Variants in ASAP1 observed in about 807,000 individuals in gnomAD.
The protein encoded by ASAP1 is ArfGAP with SH3 domain, ankyrin repeat and PH domain 1, also known as arf-GAP with SH3 domain, ANK repeat and PH domain-containing protein 1.
In ASAP1, 43 loss-of-function variants were observed where a neutral mutation model predicts 145.2. The ratio of observed to expected loss-of-function variants is 0.30; its 90% CI spans 0.23 to 0.38. The LOEUF (loss-of-function observed/expected upper bound fraction) is 0.38. Ranked by LOEUF, ASAP1 falls within the 10% of genes least tolerant of loss-of-function variation. The probability of loss-of-function intolerance (pLI) is 1.00; values close to 1 mark genes in which losing one functional copy is unlikely to be tolerated. For synonymous variants in ASAP1, 546 were observed against 515.5 expected, an observed-to-expected ratio of 1.06 and a Z score of -0.80; for missense variants, 1,018 against 1,355.3, an observed-to-expected ratio of 0.75 and a Z score of 3.91.
At chr8:130,383,133 CCTGGAAATGACATCTTACCTTCAAT>C (rs1053432557) in intron 2 of ASAP1, among the ~76,000 whole-genome samples, 2 of 152,138 alleles carry the variant, frequency 1.3e-5, no homozygotes, top group African/African-American at 4.8e-5. Context: ...CGATCTTCTG[CCTGGAAATGACATCTTACCTTCAAT>C]CTGGTCCCCA....
intron 3 of ASAP1, among the ~76,000 whole-genome samples, chr8:130,337,498 C>T (rs891962365): frequency 6.6e-6 from 1 of 152,160 alleles, no homozygotes; most frequent in Non-Finnish European, 1.5e-5. Flanking sequence ...ATTAAGCATG[C>T]TAGTCCTCTC....
At chr8:130,235,517 A>T (rs993783182) in intron 4 of ASAP1, among the ~76,000 whole-genome samples, 1 of 152,134 alleles carries the variant, frequency 6.6e-6, no homozygotes, top group African/African-American at 2.4e-5. Context: ...ATAAGGGCCT[A>T]CCACAGTGTG....
intron 24 of ASAP1, among the ~76,000 whole-genome samples, chr8:130,093,036 G>T (rs986540962): frequency 3.3e-5 from 5 of 151,538 alleles, no homozygotes; most frequent in African/African-American, 9.7e-5. Flanking sequence ...AAAACCCTTT[G>T]CTCTAGAAAC....
chr8:130,153,359 G>GTGTA (rs1565024778), intron 12 of ASAP1, among the ~76,000 whole-genome samples: 3 of 28,938 alleles, frequency 1.0e-4, no homozygotes, highest in East Asian at 2.0e-3. Context: ...ATATATATAT[G>GTGTA]TATATATATA....
intron 3 of ASAP1, among the ~76,000 whole-genome samples, chr8:130,258,370 T>C (rs937032089): frequency 1.2e-4 from 18 of 152,222 alleles, no homozygotes; most frequent in Non-Finnish European, 1.8e-4. Context: ...ACCCTTGCCT[T>C]CTTTTGAAGA....
chr8:130,124,817 TG>T (rs2097572397), intron 17 of ASAP1, among the ~76,000 whole-genome samples: 1 of 152,230 alleles, frequency 6.6e-6, no homozygotes, highest in Non-Finnish European at 1.5e-5. Context: ...GTTGTCAAAC[TG>T]GGTTTCATTA....
chr8:130,416,326 G>A (rs1384740337), intron 1 of ASAP1, among the ~76,000 whole-genome samples: 2 of 152,146 alleles, frequency 1.3e-5, no homozygotes, highest in East Asian at 3.8e-4. Flanking sequence ...AAAACTTCAG[G>A]GAAACAAGAC....
At chr8:130,396,874 G>A (rs1828554596) in intron 2 of ASAP1, among the ~76,000 whole-genome samples, 1 of 152,100 alleles carries the variant, frequency 6.6e-6, no homozygotes, top group Admixed American at 6.5e-5. Context: ...GGTTGAGGAG[G>A]GTCTAAAGTT....
chr8:130,317,417 T>C lies in ASAP1; in HGVS notation c.186+40600A>G, dbSNP rs533390477. 2.6e-5 allele frequency among the ~76,000 whole-genome samples: 4 copies of C among 152,316 alleles called. No individual in the cohort carries two copies. In the South Asian group the frequency reaches 8.3e-4, roughly 32 times the overall value. ...CCACCATCAGGGTTTGTTGAAACTG[T>C]AGGAACAGGGTCTACGACTCACTTA... On this transcript the variant is annotated intron_variant, in intron 3 of 29. Transcript: ENST00000518721.
chr8:130,159,865 C>A lies in ASAP1; in HGVS notation c.1009G>T (p.Gly337Trp). 6.2e-7 allele frequency: 1 copy of A among 1,612,190 alleles called. No individual in the cohort carries two copies. Among genetic ancestry groups the A allele is most frequent in the Non-Finnish European group, 8.5e-7 (1 of 1,178,278 alleles). The change falls in exon 12 of 30, where the codon GGG (glycine) becomes TGG (tryptophan). Residue 337 changes from glycine to tryptophan, a missense_variant and splice_region_variant. By Grantham distance (184) the Gly-to-Trp change is radical (BLOSUM62 -2). Around this residue, in one of 9 missense-constraint regions of ASAP1, gnomAD observed 27 missense variants for 88.2 expected, o/e 0.31. Transcript: ENST00000518721. ...ACACTGGGCTGGGCTCATACATACC[C>A]GTCACTTTTCTTTAGCAGGTACCCC... Reference protein sequence around the residue: ...KKGYLLKKSDGIRKVWQRRKC... With the variant: ...KKGYLLKKSDWIRKVWQRRKC...
At chr8:130,336,297 T>C (rs1245122562) in intron 3 of ASAP1, among the ~76,000 whole-genome samples, 1 of 152,200 alleles carries the variant, frequency 6.6e-6, no homozygotes, top group East Asian at 1.9e-4. Flanking sequence ...AGGTTATATA[T>C]ACATCAATCA....
At chr8:130,068,837 A>G (rs1456011303) in intron 27 of ASAP1, among the ~76,000 whole-genome samples, 1 of 152,178 alleles carries the variant, frequency 6.6e-6, no homozygotes, top group East Asian at 1.9e-4. Flanking sequence ...CACACGCTGA[A>G]CATGCCTGTT....
chr8:130,102,867 T>C (rs193007160), intron 24 of ASAP1, among the ~76,000 whole-genome samples: 180 of 152,284 alleles, frequency 1.2e-3, no homozygotes, highest in African/African-American at 4.1e-3. Context: ...TTATTTATAT[T>C]TTTTGTAGAG....
intron 3 of ASAP1, among the ~76,000 whole-genome samples, chr8:130,246,667 A>G (rs1818874370): frequency 6.6e-6 from 1 of 152,182 alleles, no homozygotes; most frequent in Non-Finnish European, 1.5e-5. Flanking sequence ...TTCTTTATAA[A>G]TTACCCAATA....
intron 1 of ASAP1, among the ~76,000 whole-genome samples, chr8:130,432,394 A>C (rs1371380031): frequency 2.0e-5 from 3 of 152,030 alleles, no homozygotes; most frequent in African/African-American, 7.3e-5. Context: ...GTGAAAGTAT[A>C]AAGGTTCTTC....
At position 130,361,833 on chromosome 8, in the gene ASAP1, T is replaced by C. The variant is rs1826724053; in HGVS notation, c.60-3690A>G. ...AATGCTGGATTTCTTTGTGTGGAGCTGCCCCGAAATATACACCATCCTCCC... is the reference window on the plus strand; with the variant it reads ...AATGCTGGATTTCTTTGTGTGGAGCCGCCCCGAAATATACACCATCCTCCC... On this transcript the variant is annotated intron_variant, in intron 2 of 29. Coordinates refer to ENST00000518721, the MANE Select transcript of ASAP1 (RefSeq NM_018482.4). The C allele has an allele frequency of 1.2e-5, 14 of 1,192,258 alleles. No individual in the cohort carries two copies. In the South Asian group the frequency reaches 1.7e-4, roughly 14 times the overall value. 73.9% of individuals were successfully genotyped at this position (1,192,258 alleles called of 1,614,324 possible). A position where few individuals can be genotyped will look rare whatever the true frequency, so the allele number is the denominator to read the frequency against.
At chr8:130,071,997 C>A (rs575863323) in intron 27 of ASAP1, among the ~76,000 whole-genome samples, 27 of 152,276 alleles carry the variant, frequency 1.8e-4, no homozygotes, top group Non-Finnish European at 3.5e-4. Context: ...CTGAGGCAGG[C>A]CCCTGACCTT....
intron 3 of ASAP1, among the ~76,000 whole-genome samples, chr8:130,320,262 A>G (rs1823916098): frequency 6.6e-6 from 1 of 152,238 alleles, no homozygotes; most frequent in Non-Finnish European, 1.5e-5. Flanking sequence ...TAAGATCATA[A>G]GAAATACAGA....
intron 3 of ASAP1, among the ~76,000 whole-genome samples, chr8:130,256,759 A>ATATATATATATATATATATATATATCCT (rs1819576439): frequency 4.2e-5 from 4 of 95,748 alleles, no homozygotes; most frequent in Non-Finnish European, 9.3e-5. Context: ...ATATATATAT[A>ATATATATATATATATATATATATATCCT]TATATATATA....
Sources: allele counts gnomAD v4.1 joint callset (sites outside exome capture counted in the v4.1 genomes callset), GRCh38; gene constraint gnomAD v4.1.1; regional missense constraint gnomAD v4.1.1; transcripts MANE v1.5; gene names NCBI Gene and HGNC (gene_info 2026-07-23, HGNC 2026-07-21).